The following DNAH6 variants were observed in gnomAD, a reference collection of about 807,000 sequenced individuals.
The protein encoded by DNAH6 is dynein axonemal heavy chain 6, also known as axonemal beta dynein heavy chain 6.
Under a neutral mutation model 491.4 loss-of-function variants are expected in DNAH6, and 340 were observed. The ratio of observed to expected loss-of-function variants is 0.69; its 90% confidence interval spans 0.63 to 0.76. DNAH6 has a LOEUF of 0.76. Ranked by LOEUF, DNAH6 falls within the 30% of genes least tolerant of loss-of-function variation. The probability of loss-of-function intolerance (pLI) is 0.00; values close to 1 mark genes in which losing one functional copy is unlikely to be tolerated. For missense variants in DNAH6, 4,443 were observed against 4,972.2 expected, an observed-to-expected ratio of 0.89 and a Z score of 3.20; for synonymous variants, 1,603 against 1,686.1, an observed-to-expected ratio of 0.95 and a Z score of 1.21.
chr2:84,624,706 T>G (rs1239742073), intron 28 of DNAH6, 86 bp downstream of exon 28: 4 of 1,399,766 alleles, frequency 2.9e-6, no homozygotes, highest in Non-Finnish European at 1.9e-6. Flanking sequence ...ACATTAACTC[T>G]TGAAAGAATT....
Position 84,694,372 on chromosome 2 carries a change from AC to A in DNAH6, c.7417del (p.Leu2473SerfsTer14). On this transcript the variant is annotated frameshift_variant, in exon 46 of 77. Transcript: ENST00000389394. LOFTEE classifies it high-confidence loss of function. ...GCGGTTACAAATGTTTGCAGATTGA[AC>A]TCAGCCGGGGATATAATTATGATAG... is the stretch of plus-strand genomic sequence containing the variant. ...ICGYKCLQIE[L>X]SRGYNYDSFH... is the part of the protein sequence containing the mutation. The A allele has an allele frequency of 6.4e-7, 1 of 1,552,418 alleles. No homozygotes were observed.
Position 84,785,693 on chromosome 2 carries a change from T to A in DNAH6, c.11037T>A (p.Asn3679Lys), listed in dbSNP as rs1156439616. The A allele has an allele frequency of 6.5e-7, 1 of 1,548,288 alleles. No homozygotes were observed. Among genetic ancestry groups the A allele is most frequent in the Non-Finnish European group, 8.7e-7 (1 of 1,145,900 alleles). The change falls in exon 67 of 77, where the codon AAT becomes AAA. Residue 3679 changes from asparagine (N) to lysine (K), a missense_variant. Coordinates refer to ENST00000389394, the MANE Select transcript of DNAH6 (RefSeq NM_001370.2). ...TGACACCTTCGTTTTTTGAAGAAAA[T>A]ATACTTGGAAAAAAATGGAGACAAA... ...TEMTPSFFEE[N>K]ILGKKWRQII... is the part of the protein sequence containing the mutation.
Position 84,624,938 on chromosome 2 carries a change from C to G in DNAH6, c.4390C>G (p.Leu1464Val). ...TCTTTGCCTCATGGGAGCTTTGCAG[C>G]TTGACCTTGGGGGTGCACCAGCTGG... ...CYLCLMGALQ[L>V]DLGGAPAGPA... The change falls in exon 29 of 77, where the codon CTT (leucine) becomes GTT (valine). Residue 1464 changes from leucine to valine, a missense_variant. Physicochemically the swap from Leu to Val is conservative, Grantham distance 32. This residue lies in a region of DNAH6 where 2,977 missense variants were observed against 3,296.6 expected (regional missense o/e 0.90). Transcript: ENST00000389394. 6.4e-7 allele frequency: 1 copy of G among 1,551,306 alleles called. No individual in the cohort carries two copies.
At chr2:84,786,424 C>CAAAAAAAAAAA (rs34307388) in intron 67 of DNAH6, among the ~76,000 whole-genome samples, 1 of 88,792 alleles carries the variant, frequency 1.1e-5, no homozygotes, top group African/African-American at 3.6e-5. Flanking sequence ...GACTCTGTCT[C>CAAAAAAAAAAA]AAAAAAAAAA....
At chr2:84,620,184 C>T (rs180897853) in intron 24 of DNAH6, among the ~76,000 whole-genome samples, 219 of 152,252 alleles carry the variant, frequency 1.4e-3, no homozygotes, top group Middle Eastern at 3.4e-3. Flanking sequence ...ACAAGAGGCA[C>T]GCTAGTGGAC....
In DNAH6 at chr2:84,694,375, C is replaced by G; in HGVS notation, c.7419C>G (p.Leu2473=). The G allele has an allele frequency of 6.4e-7, 1 of 1,552,406 alleles. No homozygotes were observed. The highest frequency in any genetic ancestry group is 1.4e-5 in the African/African-American group (1 of 73,194). The stretch of plus-strand genomic sequence containing the variant: ...GTTACAAATGTTTGCAGATTGAACT[C>G]AGCCGGGGATATAATTATGATAGTT... ...ICGYKCLQIE[L]SRGYNYDSFH... Residue 2473 remains leucine (L), a synonymous_variant, in exon 46 of 77, where the codon CTC becomes CTG. Coordinates refer to ENST00000389394, the MANE Select transcript of DNAH6 (RefSeq NM_001370.2).
chr2:84,621,067 T>G lies in DNAH6; in HGVS notation c.3793-124T>G. 4.3e-6 allele frequency: 4 copies of G among 920,308 alleles called. No individual in the cohort carries two copies. The South Asian group carries it at 5.2e-5, about 12-fold the overall frequency. 57.0% of individuals were successfully genotyped at this position (920,308 alleles called of 1,614,324 possible). ...ATGCATAGTGGAATGTCAATAGAAGTTTCAGTATTTGTGGTCAGGCTTCAG... is the reference window on the plus strand; with the variant it reads ...ATGCATAGTGGAATGTCAATAGAAGGTTCAGTATTTGTGGTCAGGCTTCAG... On this transcript the variant is annotated intron_variant, in intron 24 of 76. Transcript: ENST00000389394.
chr2:84,468,847 G>A, the DNAH6 span, among the ~76,000 whole-genome samples: 1 of 152,110 alleles, frequency 6.6e-6, no homozygotes, highest in Non-Finnish European at 1.5e-5. Flanking sequence ...TCTGTTCCCT[G>A]GAAGGCAGAG....
Position 84,579,687 on chromosome 2 carries a change from G to T in DNAH6, c.2229+8G>T. On this transcript the variant is annotated splice_region_variant and intron_variant, in intron 14 of 76. Transcript: ENST00000389394. ...GATGAAATTCAGGAACGGGTGAGTTGATTATCTCATATAACTCAATATTCC... is the reference window on the plus strand; with the variant it reads ...GATGAAATTCAGGAACGGGTGAGTTTATTATCTCATATAACTCAATATTCC... 6.4e-7 allele frequency: 1 copy of T among 1,566,590 alleles called. No homozygotes were observed. The highest frequency in any genetic ancestry group is 1.2e-5 in the South Asian group (1 of 82,378).
intron 64 of DNAH6, among the ~76,000 whole-genome samples, chr2:84,772,368 G>A (rs902378145): frequency 5.3e-5 from 8 of 151,858 alleles, no homozygotes; most frequent in African/African-American, 1.9e-4. Flanking sequence ...AAATGCAAAT[G>A]GATTAAAGTC....
At chr2:84,567,467 T>C (rs1466712265) in intron 11 of DNAH6, among the ~76,000 whole-genome samples, 1 of 152,074 alleles carries the variant, frequency 6.6e-6, no homozygotes, top group Admixed American at 6.6e-5. Flanking sequence ...TGTAGACCAA[T>C]GGCACAAAAT....
intron 59 of DNAH6, among the ~76,000 whole-genome samples, chr2:84,722,064 C>T (rs1698213148): frequency 6.6e-6 from 1 of 152,208 alleles, no homozygotes; most frequent in African/African-American, 2.4e-5. Context: ...GCATCGCTAA[C>T]TCATTTGGGG....
chr2:84,813,837 G>A (rs1680234730), intron 74 of DNAH6, 134 bp from the exon 75 acceptor site: 1 of 823,972 alleles, frequency 1.2e-6, no homozygotes, highest in Non-Finnish European at 1.9e-6. Flanking sequence ...TCAGAGGAAG[G>A]TATTAAGAGT....
At chr2:84,527,558 A>G (rs1180059389) in intron 3 of DNAH6, among the ~76,000 whole-genome samples, 2 of 152,208 alleles carry the variant, frequency 1.3e-5, no homozygotes, top group African/African-American at 2.4e-5. Context: ...AAAGTGGACT[A>G]GCCCTCATTG....
intron 10 of DNAH6, among the ~76,000 whole-genome samples, chr2:84,553,527 A>G (rs1679711307): frequency 6.9e-6 from 1 of 145,214 alleles, no homozygotes; most frequent in Admixed American, 7.0e-5. Context: ...CAATGATGTG[A>G]TCTTAGCTCA....
At position 84,621,774 on chromosome 2, in the gene DNAH6, T is replaced by C. The variant is rs963345681; in HGVS notation, c.4071+223T>C. On this transcript the variant is annotated intron_variant, in intron 26 of 76. Transcript: ENST00000389394. ...GTATTTATGTGAATACTTGTGAAAA[T>C]AGGAGGAAAAACAATTCCAGAACAA... is the stretch of plus-strand genomic sequence containing the variant. Among the ~76,000 whole-genome samples, 4 of 152,160 alleles carry C rather than the reference T, an allele frequency of 2.6e-5. No homozygotes were observed. The East Asian group carries it at 7.7e-4, about 29-fold the overall frequency.
At chr2:84,476,690 C>T in the DNAH6 span, among the ~76,000 whole-genome samples, 45 of 152,160 alleles carry the variant, frequency 3.0e-4, no homozygotes, top group African/African-American at 1.7e-4. Flanking sequence ...TCCTTATACG[C>T]GTTTTTAAAA....
At chr2:84,667,378 T>TA (rs905688471) in intron 37 of DNAH6, among the ~76,000 whole-genome samples, 2 of 151,924 alleles carry the variant, frequency 1.3e-5, no homozygotes, top group South Asian at 2.1e-4. Context: ...CCAGAATCTA[T>TA]AAAAAACTTA....
At chr2:84,692,991 A>G (rs1054738271) in intron 45 of DNAH6, among the ~76,000 whole-genome samples, 2 of 152,202 alleles carry the variant, frequency 1.3e-5, no homozygotes, top group Non-Finnish European at 2.9e-5. Flanking sequence ...TTCTGCATGT[A>G]AATTACTTAT....
Sources: allele counts gnomAD v4.1 joint callset (sites outside exome capture counted in the v4.1 genomes callset), GRCh38; gene constraint gnomAD v4.1.1; regional missense constraint gnomAD v4.1.1; transcripts MANE v1.5; gene names NCBI Gene and HGNC (gene_info 2026-07-23, HGNC 2026-07-21).